NRXN1: variants seen among roughly 807,000 people sequenced by gnomAD.
NRXN1 encodes neurexin 1, also known as neurexin-1.
A neutral mutation model predicts 150.9 loss-of-function variants in NRXN1; 39 were observed. The ratio of observed to expected loss-of-function variants is 0.26; its 90% CI spans 0.20 to 0.34. NRXN1 has a LOEUF of 0.34. NRXN1 is among the 10% of genes least tolerant of loss of function. NRXN1 has a pLI of 1.00. For missense variants in NRXN1, 1,815 were observed against 1,949.9 expected, an observed-to-expected ratio of 0.93 and a Z score of 1.30; for synonymous variants, 924 against 757.0, an observed-to-expected ratio of 1.22 and a Z score of -3.62.
At chr2:50,511,690 C>A (rs2092458088) in intron 12 of NRXN1, among the ~76,000 whole-genome samples, 1 of 152,140 alleles carries the variant, frequency 6.6e-6, no homozygotes, top group Non-Finnish European at 1.5e-5. Context: ...CTAAGAAGGG[C>A]TGGAGTTAAC....
intron 12 of NRXN1, among the ~76,000 whole-genome samples, chr2:50,521,422 T>A (rs1355400967): frequency 1.3e-5 from 2 of 152,218 alleles, no homozygotes. Context: ...CAATCCAATT[T>A]TAAGTACATT....
At chr2:50,116,510 C>T (rs1458562176) in intron 18 of NRXN1, among the ~76,000 whole-genome samples, 1 of 151,996 alleles carries the variant, frequency 6.6e-6, no homozygotes. Context: ...CTGGAAATGT[C>T]GATGGGGTCA....
At chr2:50,340,436 G>T (rs1231637962) in intron 17 of NRXN1, among the ~76,000 whole-genome samples, 6 of 152,162 alleles carry the variant, frequency 3.9e-5, no homozygotes, top group African/African-American at 1.2e-4. Flanking sequence ...TGAGACCTCA[G>T]TTGCGAGACA....
At chr2:50,619,616 G>T (rs774744073) in intron 8 of NRXN1, 1 of 309,218 alleles carries the variant, frequency 3.2e-6, no homozygotes, top group Non-Finnish European at 5.8e-6. Context: ...TTCTCCTATA[G>T]GCTAATTGCT....
At chr2:50,525,077 T>C (rs552917640) in intron 12 of NRXN1, among the ~76,000 whole-genome samples, 3 of 152,240 alleles carry the variant, frequency 2.0e-5, no homozygotes, top group East Asian at 3.9e-4. Flanking sequence ...TCACAAGCAA[T>C]AGAAAATTCT....
At chr2:50,255,342 C>T (rs898206511) in intron 17 of NRXN1, among the ~76,000 whole-genome samples, 1 of 152,092 alleles carries the variant, frequency 6.6e-6, no homozygotes, top group Non-Finnish European at 1.5e-5. Flanking sequence ...CATTTTACCA[C>T]CCATGTGAAG....
intron 21 of NRXN1, among the ~76,000 whole-genome samples, chr2:50,011,585 T>C (rs1009482138): frequency 1.3e-5 from 2 of 152,088 alleles, no homozygotes; most frequent in East Asian, 3.9e-4. Flanking sequence ...AGCAGGCAGC[T>C]AGATTTATAT....
intron 17 of NRXN1, among the ~76,000 whole-genome samples, chr2:50,448,818 C>G (rs1558750340): frequency 6.6e-6 from 1 of 152,238 alleles, no homozygotes; most frequent in East Asian, 1.9e-4. Context: ...ACTCACTGAA[C>G]AGAAGCACGT....
intron 18 of NRXN1, among the ~76,000 whole-genome samples, chr2:50,175,981 C>T (rs1337659681): frequency 6.6e-6 from 1 of 152,066 alleles, no homozygotes; most frequent in Non-Finnish European, 1.5e-5. Flanking sequence ...GGCAGGGAGG[C>T]AGTCAACAAG....
At chr2:50,728,368 C>T (rs1040613182) in intron 5 of NRXN1, among the ~76,000 whole-genome samples, 4 of 152,112 alleles carry the variant, frequency 2.6e-5, no homozygotes, top group Non-Finnish European at 5.9e-5. Flanking sequence ...CTGAGGATGA[C>T]AAAATTTAAG....
At chr2:50,733,349 C>T (rs1698333485) in intron 5 of NRXN1, among the ~76,000 whole-genome samples, 1 of 152,050 alleles carries the variant, frequency 6.6e-6, no homozygotes. Context: ...ACATCATAGC[C>T]TGAGCCAAAA....
At chr2:50,535,693 G>T (rs13002153) in intron 10 of NRXN1, among the ~76,000 whole-genome samples, 3 of 151,896 alleles carry the variant, frequency 2.0e-5, no homozygotes, top group South Asian at 2.1e-4. Flanking sequence ...CCTTCTTATA[G>T]GATCAATACA....
At chr2:50,354,586 T>TAC (rs1553484598) in intron 17 of NRXN1, among the ~76,000 whole-genome samples, 447 of 124,622 alleles carry the variant, frequency 3.6e-3, no homozygotes, top group Admixed American at 5.3e-3. Flanking sequence ...TATATATATA[T>TAC]ACACACACAC....
At position 51,028,317 on chromosome 2, in the gene NRXN1, G is replaced by A. The variant is rs756486841; in HGVS notation, c.-44C>T. 7 of 1,321,036 alleles carry A rather than the reference G, an allele frequency of 5.3e-6. No individual in the cohort carries two copies. The South Asian group carries it at 9.8e-5, about 18-fold the overall frequency. 81.8% of individuals were successfully genotyped at this position (1,321,036 alleles called of 1,614,324 possible). A position where few individuals can be genotyped will look rare whatever the true frequency, so the allele number is the denominator to read the frequency against. Reference sequence around the variant, plus strand: ...GCGGGGGGGTGCCGGGGCCGACAGGGTCAAAATGGTCCTGGACACCGTGAC... The same window carrying A: ...GCGGGGGGGTGCCGGGGCCGACAGGATCAAAATGGTCCTGGACACCGTGAC... On this transcript the variant is annotated 5_prime_UTR_variant, in exon 2 of 23. Coordinates refer to ENST00000401669, the MANE Select transcript of NRXN1 (RefSeq NM_001330078.2).
At chr2:50,361,950 C>A (rs534496084) in intron 17 of NRXN1, among the ~76,000 whole-genome samples, 32 of 152,284 alleles carry the variant, frequency 2.1e-4, no homozygotes, top group African/African-American at 7.2e-4. Flanking sequence ...TCAGCATACA[C>A]AAATCAATAA....
intron 18 of NRXN1, among the ~76,000 whole-genome samples, chr2:50,112,633 C>T (rs1205078935): frequency 6.6e-6 from 1 of 152,074 alleles, no homozygotes; most frequent in Admixed American, 6.5e-5. Context: ...GGTGCAAGGG[C>T]TGTTTCATGG....
chr2:50,213,641 C>T (rs866403059), intron 18 of NRXN1, among the ~76,000 whole-genome samples: 1 of 151,836 alleles, frequency 6.6e-6, no homozygotes, highest in Non-Finnish European at 1.5e-5. Context: ...TCTAACCCAC[C>T]GAAATTTTTA....
At chr2:50,506,104 T>C (rs1399782831) in intron 13 of NRXN1, among the ~76,000 whole-genome samples, 1 of 152,150 alleles carries the variant, frequency 6.6e-6, no homozygotes. Context: ...ATATCTATCA[T>C]CTTACCTAGA....
chr2:50,030,088 G>A (rs979893659), intron 21 of NRXN1, among the ~76,000 whole-genome samples: 1 of 152,112 alleles, frequency 6.6e-6, no homozygotes, highest in Non-Finnish European at 1.5e-5. Context: ...AATTTTGGAG[G>A]AGAAAGAGGG....
Sources: allele counts gnomAD v4.1 joint callset (sites outside exome capture counted in the v4.1 genomes callset), GRCh38; gene constraint gnomAD v4.1.1; transcripts MANE v1.5; gene names NCBI Gene and HGNC (gene_info 2026-07-23, HGNC 2026-07-21).